The following HPCAL1 variants were observed in gnomAD, a reference collection of about 807,000 sequenced individuals.
HPCAL1 encodes hippocalcin like 1.
Under a neutral mutation model 17.1 loss-of-function variants are expected in HPCAL1, and 8 were observed. The ratio of observed to expected loss-of-function variants is 0.47; its 90% CI spans 0.27 to 0.84. The LOEUF (loss-of-function observed/expected upper bound fraction) is 0.84. Among genes scored for constraint, HPCAL1 ranks in the 40% least tolerant of loss-of-function variants. The pLI, the probability that HPCAL1 is intolerant of heterozygous loss-of-function variation, is 0.13. For synonymous variants in HPCAL1, 112 were observed against 111.4 expected (o/e 1.01, Z -0.03); for missense variants, 165 against 271.1 (o/e 0.61, Z 2.75).
intron 1 of HPCAL1, among the ~76,000 whole-genome samples, chr2:10,388,885 T>C (rs995913940): frequency 2.0e-5 from 3 of 152,068 alleles, no homozygotes; most frequent in African/African-American, 7.2e-5. Context: ...CCGAGTAGGA[T>C]GTTATTAGGA....
intron 1 of HPCAL1, among the ~76,000 whole-genome samples, chr2:10,361,236 G>C (rs535454600): frequency 1.4e-5 from 2 of 139,308 alleles, no homozygotes; most frequent in East Asian, 4.0e-4. Context: ...GGTTGTAGAG[G>C]GATGGGAGGG....
At chr2:10,327,441 G>A (rs1664086405) in intron 1 of HPCAL1, among the ~76,000 whole-genome samples, 1 of 152,178 alleles carries the variant, frequency 6.6e-6, no homozygotes, top group Non-Finnish European at 1.5e-5. Flanking sequence ...TCCTGGCCCT[G>A]TGAGCCCCAG....
chr2:10,362,733 G>A lies in HPCAL1; in HGVS notation c.-110-34102G>A, dbSNP rs534601201. On this transcript the variant is annotated intron_variant, in intron 1 of 4. Transcript: ENST00000307845. This position sits in a 1 kb window ranked among gnomAD's most constrained non-coding sequence, Gnocchi z 5.0. ...GTCTGTTCACAGAGGGGCTCTCCTG[G>A]CACCTTCCCCAGCCCAGACGCTGAG... 6.6e-6 allele frequency among the ~76,000 whole-genome samples: 1 copy of A among 152,304 alleles called. No homozygotes were observed. The highest frequency in any genetic ancestry group is 2.4e-5 in the African/African-American group (1 of 41,578).
intron 3 of HPCAL1, among the ~76,000 whole-genome samples, chr2:10,421,963 GA>G (rs1431706060): frequency 6.6e-6 from 1 of 152,228 alleles, no homozygotes; most frequent in East Asian, 1.9e-4. Context: ...GCGGAAGTAA[GA>G]ATTCTATTCC....
intron 1 of HPCAL1, among the ~76,000 whole-genome samples, chr2:10,332,324 T>C (rs1664434750): frequency 1.3e-5 from 2 of 152,218 alleles, no homozygotes; most frequent in Admixed American, 6.5e-5. Flanking sequence ...AGTTGCATCA[T>C]GATGTTCTCC....
At chr2:10,320,328 T>TG (rs1366485770) in intron 1 of HPCAL1, among the ~76,000 whole-genome samples, 1 of 152,050 alleles carries the variant, frequency 6.6e-6, no homozygotes, top group African/African-American at 2.4e-5. Context: ...AGGAGCCTGG[T>TG]GGGGGGTGAT....
At chr2:10,401,657 T>C (rs1669622847) in intron 2 of HPCAL1, among the ~76,000 whole-genome samples, 1 of 152,176 alleles carries the variant, frequency 6.6e-6, no homozygotes, top group South Asian at 2.1e-4. Flanking sequence ...GTCAAACAAT[T>C]ACTGTGTGCT....
rs1309522337 is a variant in HPCAL1, at chr2:10,350,320, T to C, written c.-110-46515T>C. On this transcript the variant is annotated intron_variant, in intron 1 of 4. Transcript: ENST00000307845. ...TCTGGCCTTTTAAAAATCTATGTCC[T>C]TTTTTTTTTTTTTTTTTGAGGCAGG... Among the ~76,000 whole-genome samples, 6 of 54,890 alleles carry C rather than the reference T, an allele frequency of 1.1e-4. No homozygotes were observed. In the Admixed American group the frequency reaches 1.2e-3, roughly 11 times the overall value. 36.0% of individuals were successfully genotyped at this position (54,890 alleles called of 152,430 possible).
intron 1 of HPCAL1, among the ~76,000 whole-genome samples, chr2:10,341,343 C>T (rs769924801): frequency 1.8e-4 from 27 of 151,912 alleles, no homozygotes; most frequent in Admixed American, 3.9e-4. Context: ...TGCCTGTACT[C>T]GGGAGACTGA....
Position 10,423,031 on chromosome 2 carries a change from T to A in HPCAL1, c.427T>A (p.Ser143Thr), listed in dbSNP as rs767745947. Residue 143 changes from serine (S) to threonine (T), a missense_variant, in exon 4 of 5, where the codon TCC becomes ACC. Physicochemically the swap from Ser to Thr is moderately conservative, Grantham distance 58. Transcript: ENST00000307845. Reference protein sequence around the residue: ...SSVMKMPEDESTPEKRTDKIF... With the variant: ...SSVMKMPEDETTPEKRTDKIF... The stretch of plus-strand genomic sequence containing the variant: ...TGTGATGAAGATGCCGGAGGATGAG[T>A]CCACCCCGGAGAAGCGCACAGACAA... 9.9e-6 allele frequency: 16 copies of A among 1,613,428 alleles called. No homozygotes were observed. The highest frequency in any genetic ancestry group is 1.4e-5 in the Non-Finnish European group (16 of 1,179,966).
intron 1 of HPCAL1, among the ~76,000 whole-genome samples, chr2:10,321,837 G>A (rs1418795167): frequency 6.6e-6 from 1 of 152,142 alleles, no homozygotes; most frequent in Admixed American, 6.6e-5. Flanking sequence ...TCCAATGTAT[G>A]GATAGACCAC....
At chr2:10,358,375 G>C (rs1187093103) in intron 1 of HPCAL1, among the ~76,000 whole-genome samples, 1 of 152,210 alleles carries the variant, frequency 6.6e-6, no homozygotes, top group Non-Finnish European at 1.5e-5. Context: ...GGGAAGTGCT[G>C]GGAGGAGAAG....
At position 10,365,609 on chromosome 2, in the gene HPCAL1, G is replaced by A. The variant is rs533563442; in HGVS notation, c.-110-31226G>A. Among the ~76,000 whole-genome samples the A allele has an allele frequency of 4.1e-4, 62 of 150,696 alleles. No individual in the cohort carries two copies. The highest frequency in any genetic ancestry group is 3.5e-3 in the Middle Eastern group (1 of 288). On this transcript the variant is annotated intron_variant, in intron 1 of 4. Coordinates refer to ENST00000307845, the MANE Select transcript of HPCAL1 (RefSeq NM_002149.4). The surrounding 1 kb of genome is among the most constrained non-coding windows in gnomAD (Gnocchi z 4.8). ...CGTTATGATGTCCCGCCCAACCCCC[G>A]ACCGCACACCTCCCTCCCCCTTAGC...
chr2:10,349,701 T>A (rs1665712769), intron 1 of HPCAL1, among the ~76,000 whole-genome samples: 1 of 14,362 alleles, frequency 7.0e-5, no homozygotes, highest in African/African-American at 3.7e-4. Context: ...AGACTCTGTC[T>A]CAAAAAAAAA....
intron 1 of HPCAL1, among the ~76,000 whole-genome samples, chr2:10,392,518 T>C (rs7599203): frequency 0.19 from 29,270 of 152,200 alleles, 3,143 homozygotes; most frequent in African/African-American, 0.29. Context: ...TTGGCTTAGA[T>C]TTTGCAGGCC....
rs550112553 is a variant in HPCAL1, at chr2:10,336,682, C to T, written c.-111+33505C>T. 2.0e-5 allele frequency among the ~76,000 whole-genome samples: 3 copies of T among 152,318 alleles called. No individual in the cohort carries two copies. The South Asian group carries it at 6.2e-4, about 32-fold the overall frequency. Reference sequence around the variant, plus strand: ...GGGAGCCAGGCTTTCAGAGCAGCCCCATCTGAGACATTGCTGGTCTCATGG... The same window carrying T: ...GGGAGCCAGGCTTTCAGAGCAGCCCTATCTGAGACATTGCTGGTCTCATGG... On this transcript the variant is annotated intron_variant, in intron 1 of 4. Transcript: ENST00000307845.
intron 1 of HPCAL1, among the ~76,000 whole-genome samples, chr2:10,390,957 C>T (rs1358974479): frequency 2.6e-5 from 4 of 152,154 alleles, no homozygotes; most frequent in Non-Finnish European, 5.9e-5. Flanking sequence ...GCCTGGGGTC[C>T]GGCACCACCT....
intron 1 of HPCAL1, among the ~76,000 whole-genome samples, chr2:10,338,291 G>GA (rs1401158788): frequency 1.3e-5 from 2 of 152,070 alleles, no homozygotes; most frequent in Non-Finnish European, 1.5e-5. Flanking sequence ...ATAATAAACT[G>GA]AAAATCACTG....
intron 1 of HPCAL1, among the ~76,000 whole-genome samples, chr2:10,328,959 G>A (rs978561451): frequency 3.3e-5 from 5 of 151,454 alleles, no homozygotes; most frequent in Non-Finnish European, 7.4e-5. Flanking sequence ...TAAGCTGTCC[G>A]AGGGGTTCTT....
Sources: allele counts gnomAD v4.1 joint callset (sites outside exome capture counted in the v4.1 genomes callset), GRCh38; gene constraint gnomAD v4.1.1; non-coding constraint Gnocchi (gnomAD v3.1); transcripts MANE v1.5; gene names NCBI Gene and HGNC (gene_info 2026-07-23, HGNC 2026-07-21).